DESI1: variants seen among roughly 807,000 people sequenced by gnomAD.
DESI1 encodes the protein desumoylating isopeptidase 1, also known as PPPDE peptidase domain containing 2.
In DESI1, 17 loss-of-function variants were observed where a neutral mutation model predicts 22.4. That is an observed-to-expected ratio of 0.76 (90% confidence interval 0.52 to 1.14). DESI1 has a LOEUF of 1.14. Among genes scored for constraint, DESI1 ranks in the 50% most tolerant of loss-of-function variants. The probability of loss-of-function intolerance (pLI) is 0.00; values close to 1 mark genes in which losing one functional copy is unlikely to be tolerated. For synonymous variants in DESI1, 92 were observed against 84.2 expected, an observed-to-expected ratio of 1.09 and a Z score of -0.51; for missense variants, 177 against 208.9, an observed-to-expected ratio of 0.85 and a Z score of 0.94.
chr22:41,619,195 C>T (rs1368708344), intron 1 of DESI1, among the ~76,000 whole-genome samples: 1 of 152,126 alleles, frequency 6.6e-6, no homozygotes, highest in Non-Finnish European at 1.5e-5. Flanking sequence ...TATCTAGGCC[C>T]AAATCCCTGT....
At position 41,604,064 on chromosome 22, in the gene DESI1, G is replaced by A; in HGVS notation, c.270C>T (p.Ser90=). Residue 90 remains serine, a synonymous_variant, in exon 4 of 6, where the codon TCC becomes TCT. Transcript: ENST00000263256. ...CTCACCGGAACAGGGACTCCCCCAGGGAGGAGAGGTACTCCAGAAAGATTT... is the reference window on the plus strand; with the variant it reads ...CTCACCGGAACAGGGACTCCCCCAGAGAGGAGAGGTACTCCAGAAAGATTT... ...TEEIFLEYLS[S]LGESLFRGEA... 6.2e-7 allele frequency: 1 copy of A among 1,613,616 alleles called. No individual in the cohort carries two copies. Among genetic ancestry groups the A allele is most frequent in the Non-Finnish European group, 8.5e-7 (1 of 1,179,924 alleles).
At position 41,620,933 on chromosome 22, in the gene DESI1, GA is replaced by G. The variant is rs1168528707; in HGVS notation, c.-95del. 12 of 1,444,250 alleles carry G rather than the reference GA, an allele frequency of 8.3e-6. No individual in the cohort carries two copies. The highest frequency in any genetic ancestry group is 3.7e-5 in the South Asian group (3 of 80,102). 89.5% of individuals were successfully genotyped at this position (1,444,250 alleles called of 1,614,324 possible). A position where few individuals can be genotyped will look rare whatever the true frequency, so the allele number is the denominator to read the frequency against. On this transcript the variant is annotated 5_prime_UTR_variant, in exon 1 of 6. Transcript: ENST00000263256. ...CCGACGGGAGTGCGAAGCGGAGGGA[GA>G]GGGGGGGACCGAGCCCGGGCCCGGG...
chr22:41,609,992 A>G (rs1687520089), intron 1 of DESI1, among the ~76,000 whole-genome samples: 1 of 150,392 alleles, frequency 6.6e-6, no homozygotes, highest in Non-Finnish European at 1.5e-5. Context: ...AGGCAGGAGA[A>G]TCGCCTGAAC....
intron 1 of DESI1, among the ~76,000 whole-genome samples, chr22:41,620,410 G>A (rs914615275): frequency 1.1e-4 from 16 of 152,228 alleles, no homozygotes; most frequent in African/African-American, 3.6e-4. Flanking sequence ...TGGGCTACCC[G>A]AGCGAGGCAG....
At chr22:41,619,773 G>A (rs562755672) in intron 1 of DESI1, among the ~76,000 whole-genome samples, 6 of 152,240 alleles carry the variant, frequency 3.9e-5, no homozygotes, top group African/African-American at 1.4e-4. Flanking sequence ...CTGCCCCCTC[G>A]TCTCACAGAG....
intron 5 of DESI1, chr22:41,602,581 T>G (rs1470968636): frequency 2.0e-5 from 20 of 985,394 alleles, no homozygotes; most frequent in Non-Finnish European, 2.3e-5. Flanking sequence ...AATAAGCAAA[T>G]AGACATGGTC....
chr22:41,618,932 C>T (rs532577814), intron 1 of DESI1, among the ~76,000 whole-genome samples: 2 of 152,190 alleles, frequency 1.3e-5, no homozygotes, highest in Admixed American at 1.3e-4. Flanking sequence ...GCTGTGGTGG[C>T]GGGCGCCTGT....
rs1373515529 is a variant in DESI1, at chr22:41,604,215, G to C, written c.181-62C>G. 4.2e-6 allele frequency: 6 copies of C among 1,419,734 alleles called. No individual in the cohort carries two copies. The East Asian group carries it at 1.4e-4, about 34-fold the overall frequency. 87.9% of individuals were successfully genotyped at this position (1,419,734 alleles called of 1,614,324 possible). ...CATCTCCACTGAATGTTTTAATGTG[G>C]CTTCCCACAGTAGACCACAAACACT... On this transcript the variant is annotated intron_variant, in intron 3 of 5. Transcript: ENST00000263256.
Position 41,601,062 on chromosome 22 carries a change from G to C in DESI1, c.*35C>G. ...GGTTTGTTTTGTTTAAAAAGGAAAA[G>C]CCCTGGTGAGGCAGGGCGGTCCCAG... On this transcript the variant is annotated 3_prime_UTR_variant, in exon 6 of 6. Coordinates refer to ENST00000263256, the MANE Select transcript of DESI1 (RefSeq NM_015704.3). 1 of 1,571,404 alleles carries C rather than the reference G, an allele frequency of 6.4e-7. No homozygotes were observed. Among genetic ancestry groups the C allele is most frequent in the African/African-American group, 1.4e-5 (1 of 74,048 alleles).
chr22:41,603,252 C>T lies in DESI1; in HGVS notation c.413+7G>A, dbSNP rs765650469. 1 of 1,614,118 alleles carries T rather than the reference C, an allele frequency of 6.2e-7. No individual in the cohort carries two copies. Among genetic ancestry groups the T allele is most frequent in the South Asian group, 1.1e-5 (1 of 91,082 alleles). Reference sequence around the variant, plus strand: ...AAGGCAGGGGCAGGGACAGAGGCCACACTTACGTGGAGAGAACTTCAGAGG... The same window carrying T: ...AAGGCAGGGGCAGGGACAGAGGCCATACTTACGTGGAGAGAACTTCAGAGG... On this transcript the variant is annotated splice_region_variant and intron_variant, in intron 5 of 5. Coordinates refer to ENST00000263256, the MANE Select transcript of DESI1 (RefSeq NM_015704.3).
rs755425696 is a variant in DESI1, at chr22:41,620,763, G to A, written c.77C>T (p.Pro26Leu). ...CCCTTCCCCCTCACCCAGCATGATG[G>A]GGCTGAGCCGCCGGGCCAGGCCTTT... ...LSKGLARRLS[P>L]IMLGKQLEGI... is the part of the protein sequence containing the mutation. The change falls in exon 1 of 6, where the codon CCC becomes CTC. Residue 26 changes from proline to leucine, a missense_variant. Physicochemically the swap from Pro to Leu is moderately conservative, Grantham distance 98 (BLOSUM62 -3). Transcript: ENST00000263256. The A allele has an allele frequency of 6.2e-7, 1 of 1,611,052 alleles. No homozygotes were observed. The highest frequency in any genetic ancestry group is 8.5e-7 in the Non-Finnish European group (1 of 1,178,758).
chr22:41,612,273 C>T (rs2067522016), intron 1 of DESI1, among the ~76,000 whole-genome samples: 1 of 151,948 alleles, frequency 6.6e-6, no homozygotes, highest in Non-Finnish European at 1.5e-5. Context: ...CTTTGGGAGG[C>T]AGAGGCGGGC....
At position 41,614,590 on chromosome 22, in the gene DESI1, C is replaced by CTTTTTTTTTTTTTTTT. The variant is rs10523372; in HGVS notation, c.88+6161_88+6162insAAAAAAAAAAAAAAAA. ...TGAGCTACTGTGCCCGGCCTACATCCTTTTTTTTTTTTGAGATGGAGTCTC... is the reference window on the plus strand; with the variant it reads ...TGAGCTACTGTGCCCGGCCTACATCCTTTTTTTTTTTTTTTTTTTTTTTTTTTTGAGATGGAGTCTC... On this transcript the variant is annotated intron_variant, in intron 1 of 5. Coordinates refer to ENST00000263256, the MANE Select transcript of DESI1 (RefSeq NM_015704.3). Among the ~76,000 whole-genome samples, 23 of 85,720 alleles carry CTTTTTTTTTTTTTTTT rather than the reference C, an allele frequency of 2.7e-4. 4 individuals are homozygous for CTTTTTTTTTTTTTTTT. Among genetic ancestry groups the CTTTTTTTTTTTTTTTT allele is most frequent in the East Asian group, 8.5e-4 (2 of 2,362 alleles). The allele number at this position is 85,720 out of a possible 152,430, so 56.2% of individuals were successfully genotyped here.
intron 5 of DESI1, 117 bp from the exon 6 acceptor site, chr22:41,601,307 AC>A: frequency 2.2e-6 from 2 of 912,566 alleles, no homozygotes; most frequent in African/African-American, 1.7e-5. Context: ...CAGAAGCAGC[AC>A]CAGCAGAGAA....
At chr22:41,601,238 T>G in intron 5 of DESI1, 48 bp from the exon 6 acceptor site, 1 of 1,540,994 alleles carries the variant, frequency 6.5e-7, no homozygotes, top group South Asian at 1.2e-5. Context: ...GGATGTGGCC[T>G]GCTGTCACAC....
rs74429019 is a variant in DESI1, at chr22:41,602,191, A to C, written c.414-1001T>G. On this transcript the variant is annotated intron_variant, in intron 5 of 5. Coordinates refer to ENST00000263256, the MANE Select transcript of DESI1 (RefSeq NM_015704.3). ...ACTGCCATTTTTGAAAATCATCTCC[A>C]AGTTTAAAGGAATGAAGTACTCCAA... is the stretch of plus-strand genomic sequence containing the variant. 7.6e-4 allele frequency: 750 copies of C among 984,638 alleles called. 3 individuals are homozygous for C. The African/African-American group carries it at 0.012, about 16-fold the overall frequency. 61.0% of individuals were successfully genotyped at this position (984,638 alleles called of 1,614,324 possible).
At chr22:41,620,571 G>A (rs2413648) in intron 1 of DESI1, among the ~76,000 whole-genome samples, 181 bp downstream of exon 1, 1 of 152,170 alleles carries the variant, frequency 6.6e-6, no homozygotes, top group East Asian at 1.9e-4. Flanking sequence ...GTATCTGCGA[G>A]GCTAAAGCGG....
At position 41,617,003 on chromosome 22, in the gene DESI1, T is replaced by C. The variant is rs2067555028; in HGVS notation, c.88+3749A>G. Among the ~76,000 whole-genome samples the C allele has an allele frequency of 2.0e-5, 3 of 152,292 alleles. No homozygotes were observed. The South Asian group carries it at 6.2e-4, about 32-fold the overall frequency. On this transcript the variant is annotated intron_variant, in intron 1 of 5. Coordinates refer to ENST00000263256, the MANE Select transcript of DESI1 (RefSeq NM_015704.3). The stretch of plus-strand genomic sequence containing the variant: ...GGATTTAATTTGGGAAAATGGAGAC[T>C]AAGAGGCATGATCATAAATCTAGAT...
At chr22:41,606,814 A>G (rs977058826) in intron 3 of DESI1, among the ~76,000 whole-genome samples, 9 of 151,176 alleles carry the variant, frequency 6.0e-5, no homozygotes, top group African/African-American at 2.2e-4. Context: ...AATTTTCGGA[A>G]AAGGGTGTGG....
Sources: gnomAD v4.1 joint callset for allele counts (sites outside exome capture counted in the v4.1 genomes callset) on GRCh38, gnomAD v4.1.1 for gene constraint, MANE v1.5 for transcripts, NCBI Gene and HGNC (gene_info 2026-07-23, HGNC 2026-07-21) for gene names.